Variants in VPS8 observed in about 807,000 individuals in gnomAD.
VPS8 encodes the protein vacuolar protein sorting-associated protein 8 homolog.
VPS8 carries 129 observed loss-of-function variants against 216.4 expected under a neutral mutation model. The ratio of observed to expected loss-of-function variants is 0.60; its 90% CI spans 0.52 to 0.69. The LOEUF (loss-of-function observed/expected upper bound fraction) is 0.69, where lower values mean the gene tolerates loss of function less well. Ranked by LOEUF, VPS8 falls within the 30% of genes least tolerant of loss-of-function variation. The pLI, the probability that VPS8 is intolerant of heterozygous loss-of-function variation, is 0.00. For synonymous variants in VPS8, 571 were observed against 565.4 expected (o/e 1.01, Z -0.14); for missense variants, 1,531 against 1,683.5 (o/e 0.91, Z 1.59).
At chr3:184,885,865 C>T (rs1052359802) in intron 21 of VPS8, 194 of 409,748 alleles carry the variant, frequency 4.7e-4, no homozygotes, top group Non-Finnish European at 6.7e-4. Flanking sequence ...GCAGTGAACA[C>T]CTTAATGCAT....
chr3:185,017,923 A>AT (rs138810988), intron 45 of VPS8, among the ~76,000 whole-genome samples: 14,285 of 152,120 alleles, frequency 0.094, 721 homozygotes, highest in South Asian at 0.14. Flanking sequence ...CCTTTTTTAC[A>AT]TTTTGGACAT....
Position 184,920,142 on chromosome 3 carries a change from A to T in VPS8, c.2398A>T (p.Lys800Ter). 1.3e-6 allele frequency: 2 copies of T among 1,523,600 alleles called. No individual in the cohort carries two copies. The highest frequency in any genetic ancestry group is 1.8e-6 in the Non-Finnish European group (2 of 1,137,496). The allele number at this position is 1,523,600 out of a possible 1,614,324, so 94.4% of individuals were successfully genotyped here. ...NVLALTFEDF[K>*]NDKQAVEYQQ... ...TCCCTTTTAGACTTTTGAAGATTTT[A>T]AAAATGACAAGCAAGCTGTGGAATA... Residue 800 changes from lysine to a stop codon, truncating the protein, a stop_gained, in exon 29 of 48, where the codon AAA becomes TAA. Coordinates refer to ENST00000625842, the MANE Select transcript of VPS8 (RefSeq NM_001009921.3). LOFTEE classifies it high-confidence loss of function.
At chr3:184,989,604 C>T (rs1751599941) in intron 42 of VPS8, among the ~76,000 whole-genome samples, 1 of 152,100 alleles carries the variant, frequency 6.6e-6, no homozygotes, top group African/African-American at 2.4e-5. Context: ...CCTTGCATAC[C>T]TGGGATAAAT....
chr3:184,836,385 G>C (rs568047467), intron 5 of VPS8: 69 of 452,666 alleles, frequency 1.5e-4, no homozygotes, highest in South Asian at 6.7e-4. Context: ...ACAGTCATTT[G>C]ACCCACCTGT....
chr3:184,841,304 A>G (rs1453517187), intron 7 of VPS8, among the ~76,000 whole-genome samples: 3 of 152,170 alleles, frequency 2.0e-5, no homozygotes, highest in Non-Finnish European at 4.4e-5. Flanking sequence ...GTACCTATAT[A>G]TGTGTATCTA....
chr3:184,939,434 AT>A (rs1365938795), intron 35 of VPS8, among the ~76,000 whole-genome samples: 6 of 152,054 alleles, frequency 3.9e-5, no homozygotes, highest in Non-Finnish European at 7.4e-5. Flanking sequence ...AACAATAACA[AT>A]TTTTGCATAG....
chr3:184,867,535 A>C (rs990647780), intron 17 of VPS8, among the ~76,000 whole-genome samples: 4 of 152,138 alleles, frequency 2.6e-5, no homozygotes, highest in African/African-American at 9.7e-5. Context: ...TAGACCTTTA[A>C]ATAGACTTAC....
At chr3:184,893,241 G>A in intron 22 of VPS8, 1 of 1,282,284 alleles carries the variant, frequency 7.8e-7, no homozygotes, top group Non-Finnish European at 1.0e-6. Flanking sequence ...CAGGACTTCA[G>A]ATGAGTCAAA....
rs749582427 is a variant in VPS8 at position 184,926,635 on chromosome 3, C to G, written c.2616C>G (p.His872Gln). The stretch of plus-strand genomic sequence containing the variant: ...GTAGTCCTGACGATGACTCCCGACA[C>G]TCTGAAAGACAGCAGGTATGAACTA... ...FLCSPDDDSR[H>Q]SERQQVLLEL... The change falls in exon 31 of 48, where the codon CAC (histidine) becomes CAG (glutamine). Residue 872 changes from histidine (H) to glutamine (Q), a missense_variant. His to Gln is a conservative substitution (Grantham distance 24, BLOSUM62 0). Transcript: ENST00000625842. The G allele has an allele frequency of 1.2e-5, 19 of 1,605,452 alleles. No individual in the cohort carries two copies. The East Asian group carries it at 3.8e-4, about 32-fold the overall frequency.
chr3:184,839,815 C>T (rs1721786232), intron 7 of VPS8, 63 bp downstream of exon 7: 1 of 1,545,362 alleles, frequency 6.5e-7, no homozygotes, highest in East Asian at 2.4e-5. Flanking sequence ...TTATAATGTC[C>T]TTTAATCACA....
intron 15 of VPS8, 110 bp from the exon 16 acceptor site, chr3:184,862,787 A>G: frequency 8.8e-7 from 1 of 1,137,844 alleles, no homozygotes; most frequent in Non-Finnish European, 1.3e-6. Context: ...AAATTGTTAA[A>G]TGGATCAAGT....
intron 21 of VPS8, 144 bp from the exon 22 acceptor site, chr3:184,885,966 C>A: frequency 1.3e-6 from 1 of 788,560 alleles, no homozygotes. Flanking sequence ...GACTTTGACA[C>A]ATAATGCCAA....
At chr3:185,025,870 G>C (rs1757273949) in intron 46 of VPS8, among the ~76,000 whole-genome samples, 1 of 152,188 alleles carries the variant, frequency 6.6e-6, no homozygotes, top group Admixed American at 6.5e-5. Flanking sequence ...ATTTATCTGA[G>C]TGACCTTGTG....
At chr3:185,041,324 G>A (rs1275704456) in intron 46 of VPS8, among the ~76,000 whole-genome samples, 5 of 151,992 alleles carry the variant, frequency 3.3e-5, no homozygotes, top group Admixed American at 6.6e-5. Flanking sequence ...TGGGTTTTGC[G>A]CTTGTTAATA....
At chr3:184,876,562 A>G (rs1729316911) in intron 21 of VPS8, among the ~76,000 whole-genome samples, 1 of 152,134 alleles carries the variant, frequency 6.6e-6, no homozygotes, top group Non-Finnish European at 1.5e-5. Context: ...TCTATAGAGT[A>G]AGTTGCCCAT....
intron 1 of VPS8, among the ~76,000 whole-genome samples, chr3:184,814,311 A>T (rs1445556773): frequency 6.6e-6 from 1 of 152,206 alleles, no homozygotes; most frequent in Non-Finnish European, 1.5e-5. Flanking sequence ...AGTAACCCCC[A>T]GTTCCCTATC....
chr3:184,823,756 G>A (rs1718118773), intron 1 of VPS8, among the ~76,000 whole-genome samples: 1 of 152,128 alleles, frequency 6.6e-6, no homozygotes, highest in Admixed American at 6.5e-5. Context: ...TTACAGTAAT[G>A]TTTTCAGTAT....
chr3:184,823,065 A>G (rs1305041540), intron 1 of VPS8, among the ~76,000 whole-genome samples: 1 of 152,250 alleles, frequency 6.6e-6, no homozygotes, highest in South Asian at 2.1e-4. Flanking sequence ...TATACAAGGT[A>G]ACTATTCATT....
At chr3:184,982,783 G>T in intron 41 of VPS8, 136 bp downstream of exon 41, 1 of 764,912 alleles carries the variant, frequency 1.3e-6, no homozygotes. Flanking sequence ...CATATAGTAT[G>T]GTTGATCTCA....
Sources: gnomAD v4.1 joint callset for allele counts (sites outside exome capture counted in the v4.1 genomes callset) on GRCh38, gnomAD v4.1.1 for gene constraint, MANE v1.5 for transcripts, NCBI Gene and HGNC (gene_info 2026-07-23, HGNC 2026-07-21) for gene names.